RECQL5: variants seen among roughly 807,000 people sequenced by gnomAD.
RECQL5 encodes the protein ATP-dependent DNA helicase Q5.
Under a neutral mutation model 103.4 loss-of-function variants are expected in RECQL5, and 88 were observed. The ratio of observed to expected loss-of-function variants is 0.85; its 90% confidence interval spans 0.72 to 1.02. The LOEUF is 1.02. Ranked by LOEUF, RECQL5 falls within the 50% of genes least tolerant of loss-of-function variation. The pLI is 0.00. For synonymous variants in RECQL5, 552 were observed against 507.9 expected (o/e 1.09, Z -1.17); for missense variants, 1,232 against 1,284.3 (o/e 0.96, Z 0.62).
At chr17:75,631,699 G>A (rs2059218096) in intron 8 of RECQL5, 31 bp from the exon 9 acceptor site, 1 of 1,598,086 alleles carries the variant, frequency 6.3e-7, no homozygotes, top group Admixed American at 1.7e-5. Flanking sequence ...GAGGTGAGGG[G>A]CGGAGAGCCC....
intron 8 of RECQL5, chr17:75,639,896 G>A (rs1344886470): frequency 6.3e-6 from 2 of 315,056 alleles, no homozygotes; most frequent in African/African-American, 4.3e-5. Flanking sequence ...GAACAGCGAA[G>A]CCAGAAACCA....
intron 8 of RECQL5, among the ~76,000 whole-genome samples, chr17:75,644,341 G>A (rs2059465031): frequency 6.6e-6 from 1 of 151,684 alleles, no homozygotes; most frequent in African/African-American, 2.4e-5. Context: ...GACCAGCATA[G>A]TATATCACAT....
chr17:75,630,183 C>T lies in RECQL5; in HGVS notation c.1812+1G>A, dbSNP rs953375962. The T allele has an allele frequency of 6.5e-7, 1 of 1,546,864 alleles. No homozygotes were observed. The highest frequency in any genetic ancestry group is 8.7e-7 in the Non-Finnish European group (1 of 1,144,606). On this transcript the variant is annotated splice_donor_variant, in intron 14 of 19. Coordinates refer to ENST00000317905, the MANE Select transcript of RECQL5 (RefSeq NM_004259.7). LOFTEE classifies it high-confidence loss of function. ...CCTGGGTCCGCCTGCACCAGGCCCA[C>T]CTTCTTCAGCACGCTGGCCTTGTAG...
chr17:75,657,505 T>C (rs1322730414), intron 7 of RECQL5, among the ~76,000 whole-genome samples: 1 of 151,948 alleles, frequency 6.6e-6, no homozygotes, highest in Non-Finnish European at 1.5e-5. Context: ...TCTCAGTAGT[T>C]TGGGAGTTTG....
At chr17:75,659,881 T>C (rs915757005) in intron 6 of RECQL5, among the ~76,000 whole-genome samples, 4 of 152,212 alleles carry the variant, frequency 2.6e-5, no homozygotes, top group African/African-American at 9.6e-5. Context: ...TATAAAAGAC[T>C]TCCTATTAGT....
In RECQL5 at chr17:75,640,774, C is replaced by T. The variant is rs1275424460; in HGVS notation, c.1230-9106G>A. On this transcript the variant is annotated intron_variant, in intron 8 of 19. Coordinates refer to ENST00000317905, the MANE Select transcript of RECQL5 (RefSeq NM_004259.7). The surrounding 1 kb of genome is among the most constrained non-coding windows in gnomAD (Gnocchi z 4.6). ...TCTCCCCCAACCTGAGTCCCGTGCTCTCTCCCGGCCCTCCAGCTACTGTTC... is the reference window on the plus strand; with the variant it reads ...TCTCCCCCAACCTGAGTCCCGTGCTTTCTCCCGGCCCTCCAGCTACTGTTC... 3 of 1,547,926 alleles carry T rather than the reference C, an allele frequency of 1.9e-6. No individual in the cohort carries two copies. In the Admixed American group the frequency reaches 5.9e-5, roughly 30 times the overall value.
At chr17:75,658,494 G>C in intron 6 of RECQL5, 34 bp from the exon 7 acceptor site, 1 of 1,604,220 alleles carries the variant, frequency 6.2e-7, no homozygotes, top group Non-Finnish European at 8.5e-7. Flanking sequence ...AGCATGAGAT[G>C]GTGGAGAAGC....
At position 75,662,870 on chromosome 17, in the gene RECQL5, T is replaced by G; in HGVS notation, c.380A>C (p.Tyr127Ser). ...EREKPQTKIL[Y>S]ITPEMAASSS... ...TGAAGCTGCCATCTCTGGGGTGATG[T>G]ACAGAATCTTGGTCTGGGGCTTTTC... The change falls in exon 4 of 20, where the codon TAC becomes TCC. Residue 127 changes from tyrosine (Y) to serine (S), a missense_variant. Physicochemically the swap from Tyr to Ser is moderately radical, Grantham distance 144. Coordinates refer to ENST00000317905, the MANE Select transcript of RECQL5 (RefSeq NM_004259.7). The G allele has an allele frequency of 6.2e-7, 1 of 1,614,130 alleles. No homozygotes were observed. Among genetic ancestry groups the G allele is most frequent in the Non-Finnish European group, 8.5e-7 (1 of 1,180,034 alleles).
At chr17:75,632,043 T>C (rs1052450537) in intron 8 of RECQL5, among the ~76,000 whole-genome samples, 2 of 152,204 alleles carry the variant, frequency 1.3e-5, no homozygotes, top group African/African-American at 4.8e-5. Flanking sequence ...CTAAAGCCCA[T>C]GCATTCCCGT....
chr17:75,633,579 T>G, intron 8 of RECQL5: 1 of 1,248,648 alleles, frequency 8.0e-7, no homozygotes. Context: ...CCCCAGGGAC[T>G]GGTTGCAAAG....
At chr17:75,638,000 A>G (rs2059359204) in intron 8 of RECQL5, 1 of 152,196 alleles carries the variant, frequency 6.6e-6, no homozygotes, top group African/African-American at 2.4e-5. Context: ...GATCTATAGC[A>G]TTCTAGGACC....
chr17:75,640,809 T>G lies in RECQL5; in HGVS notation c.1230-9141A>C. On this transcript the variant is annotated intron_variant, in intron 8 of 19. Transcript: ENST00000317905. The surrounding 1 kb of genome is among the most constrained non-coding windows in gnomAD (Gnocchi z 4.6). ...CCTCCAGCTACTGTTCTGCTGTTGC[T>G]GCTGATAGCCTGCAGCTGCTGCTGC... The G allele has an allele frequency of 1.9e-6, 3 of 1,550,412 alleles. No individual in the cohort carries two copies. Among genetic ancestry groups the G allele is most frequent in the Non-Finnish European group, 2.6e-6 (3 of 1,146,904 alleles).
intron 8 of RECQL5, chr17:75,633,489 C>A (rs766955854): frequency 2.3e-6 from 3 of 1,288,916 alleles, no homozygotes; most frequent in African/African-American, 3.0e-5. Context: ...CCTTGCCGGG[C>A]GCGCAGGCCA....
rs1025293565 is a variant in RECQL5 at position 75,658,601 on chromosome 17, A to C, written c.987-141T>G. ...GTCCCAGAGTTAGAATAGTTAAGAC[A>C]CCTGTAGCCCATCAGCACGTCTCCC... is the stretch of plus-strand genomic sequence containing the variant. On this transcript the variant is annotated intron_variant, in intron 6 of 19. Coordinates refer to ENST00000317905, the MANE Select transcript of RECQL5 (RefSeq NM_004259.7). 1.0e-5 allele frequency: 7 copies of C among 697,062 alleles called. No individual in the cohort carries two copies. The African/African-American group carries it at 1.3e-4, about 13-fold the overall frequency. 43.2% of individuals were successfully genotyped at this position (697,062 alleles called of 1,614,324 possible).
rs777336988 is a variant in RECQL5, at chr17:75,631,226, C to A, written c.1472G>T (p.Ser491Ile). The A allele has an allele frequency of 6.2e-7, 1 of 1,613,822 alleles. No homozygotes were observed. The highest frequency in any genetic ancestry group is 1.3e-5 in the African/African-American group (1 of 74,952). ...FSRYDEGSGG[S>I]GDEGRDEAHK... Reference sequence around the variant, plus strand: ...GGCCTCATCTCTGCCTTCATCCCCGCTGCCTCCAGAACCTTCGTCATACCT... The same window carrying A: ...GGCCTCATCTCTGCCTTCATCCCCGATGCCTCCAGAACCTTCGTCATACCT... Residue 491 changes from serine to isoleucine, a missense_variant, in exon 10 of 20, where the codon AGC becomes ATC. By Grantham distance (142) the Ser-to-Ile change is moderately radical. Transcript: ENST00000317905.
In RECQL5 at chr17:75,666,652, C is replaced by T. The variant is rs890162839; in HGVS notation, c.-14-81G>A. ...TGCATTAAAAATACAGATTATTTTTCTGTAACAATTTGCTATATTACACTT... is the reference window on the plus strand; with the variant it reads ...TGCATTAAAAATACAGATTATTTTTTTGTAACAATTTGCTATATTACACTT... On this transcript the variant is annotated intron_variant, in intron 1 of 19. Transcript: ENST00000317905. The T allele has an allele frequency of 9.3e-6, 13 of 1,393,170 alleles. No homozygotes were observed. In the Admixed American group the frequency reaches 2.7e-4, roughly 29 times the overall value. The allele number at this position is 1,393,170 out of a possible 1,614,324, so 86.3% of individuals were successfully genotyped here.
chr17:75,640,059 A>G lies in RECQL5; in HGVS notation c.1230-8391T>C. Reference sequence around the variant, plus strand: ...CCAGGGGTGCAATGTGTGAGACCTGACAAACTTGTTCTGCGGGCTGCGGAT... The same window carrying G: ...CCAGGGGTGCAATGTGTGAGACCTGGCAAACTTGTTCTGCGGGCTGCGGAT... On this transcript the variant is annotated intron_variant, in intron 8 of 19. Transcript: ENST00000317905. The surrounding 1 kb of genome is among the most constrained non-coding windows in gnomAD (Gnocchi z 4.6). 8.1e-7 allele frequency: 1 copy of G among 1,242,112 alleles called. No individual in the cohort carries two copies. The highest frequency in any genetic ancestry group is 1.6e-5 in the South Asian group (1 of 62,830). 76.9% of individuals were successfully genotyped at this position (1,242,112 alleles called of 1,614,324 possible).
At chr17:75,634,127 A>G in intron 8 of RECQL5, 6 of 985,448 alleles carry the variant, frequency 6.1e-6, no homozygotes, top group Non-Finnish European at 7.2e-6. Context: ...GGCGCCCACG[A>G]AGGAAGTACG....
chr17:75,658,230 G>A (rs2059653022), intron 7 of RECQL5, 68 bp downstream of exon 7: 1 of 1,533,784 alleles, frequency 6.5e-7, no homozygotes, highest in African/African-American at 1.4e-5. Context: ...TCAGAGTTCA[G>A]AAATCAGCTT....
Sources: gnomAD v4.1 joint callset for allele counts (sites outside exome capture counted in the v4.1 genomes callset) on GRCh38, gnomAD v4.1.1 for gene constraint, Gnocchi (gnomAD v3.1) non-coding constraint, MANE v1.5 for transcripts, NCBI Gene and HGNC (gene_info 2026-07-23, HGNC 2026-07-21) for gene names.